The following TF variants were observed in gnomAD, a reference collection of about 807,000 sequenced individuals.
The protein encoded by TF is transferrin, also known as serotransferrin.
A neutral mutation model predicts 82.4 loss-of-function variants in TF; 55 were observed. The ratio of observed to expected loss-of-function variants is 0.67; its 90% CI spans 0.54 to 0.84. The LOEUF is 0.84. TF is among the 40% of genes least tolerant of loss of function. TF has a pLI of 0.00. For missense variants in TF, 737 were observed against 868.4 expected, an observed-to-expected ratio of 0.85 and a Z score of 1.90; for synonymous variants, 332 against 332.6, an observed-to-expected ratio of 1.00 and a Z score of 0.02.
chr3:133,757,654 G>T, intron 7 of TF, 115 bp from the exon 8 acceptor site: 1 of 1,025,426 alleles, frequency 9.8e-7, no homozygotes, highest in Non-Finnish European at 1.5e-6. Flanking sequence ...CCTCTCTCCT[G>T]GCATCTTGAA....
Position 133,748,515 on chromosome 3 carries a change from T to G in TF, c.147T>G (p.Ile49Met). 6.2e-7 allele frequency: 1 copy of G among 1,614,092 alleles called. No individual in the cohort carries two copies. The highest frequency in any genetic ancestry group is 8.5e-7 in the Non-Finnish European group (1 of 1,180,020). The change falls in exon 2 of 17, where the codon ATT becomes ATG. Residue 49 changes from isoleucine to methionine, a missense_variant. Coordinates refer to ENST00000402696, the MANE Select transcript of TF (RefSeq NM_001063.4). ...TCCGCGACCATATGAAAAGCGTCAT[T>G]CCATCCGATGGTCCCAGTGTTGCTT... ...QSFRDHMKSV[I>M]PSDGPSVACV...
chr3:133,756,580 A>G (rs1279023830), intron 6 of TF, among the ~76,000 whole-genome samples: 1 of 152,092 alleles, frequency 6.6e-6, no homozygotes, highest in African/African-American at 2.4e-5. Flanking sequence ...TGCCATAACC[A>G]AAGACTGGGG....
chr3:133,752,011 A>G (rs976597897), intron 2 of TF, among the ~76,000 whole-genome samples: 3 of 152,150 alleles, frequency 2.0e-5, no homozygotes, highest in Non-Finnish European at 2.9e-5. Flanking sequence ...GTCTTACAAC[A>G]TATTTTATTT....
intron 4 of TF, among the ~76,000 whole-genome samples, chr3:133,755,162 A>G (rs1933789220): frequency 6.6e-6 from 1 of 152,238 alleles, no homozygotes; most frequent in African/African-American, 2.4e-5. Flanking sequence ...GTTTCCTCTG[A>G]TGGATGGTGG....
the TF span, among the ~76,000 whole-genome samples, chr3:133,702,506 T>C: frequency 3.3e-5 from 5 of 151,916 alleles, no homozygotes; most frequent in East Asian, 5.8e-4. Flanking sequence ...GGTCACACCA[T>C]TGCACTCTAG....
chr3:133,704,926 GT>G, the TF span, among the ~76,000 whole-genome samples: 1 of 152,218 alleles, frequency 6.6e-6, no homozygotes, highest in Non-Finnish European at 1.5e-5. Flanking sequence ...AAACGACTCT[GT>G]GAGGTAAATA....
At chr3:133,775,786 C>T (rs952179234) in intron 15 of TF, among the ~76,000 whole-genome samples, 169 bp downstream of exon 15, 1 of 152,208 alleles carries the variant, frequency 6.6e-6, no homozygotes, top group African/African-American at 2.4e-5. Flanking sequence ...TATCAGGGTT[C>T]AAATCACAGC....
At chr3:133,723,672 T>TATTATA in the TF span, among the ~76,000 whole-genome samples, 1 of 147,866 alleles carries the variant, frequency 6.8e-6, no homozygotes, top group Non-Finnish European at 1.5e-5. Context: ...TTATTATTAT[T>TATTATA]ATACTTTAAG....
the TF span, among the ~76,000 whole-genome samples, chr3:133,732,800 C>A: frequency 2.0e-5 from 3 of 148,924 alleles, no homozygotes; most frequent in African/African-American, 7.5e-5. Context: ...TCAGCGAGAC[C>A]AATGAACCCA....
At chr3:133,727,853 G>A in the TF span, among the ~76,000 whole-genome samples, 43,508 of 136,618 alleles carry the variant, frequency 0.32, 7,468 homozygotes, top group South Asian at 0.45. Context: ...CAGGCCTGTG[G>A]TGACAAAATC....
chr3:133,768,033 AT>A lies in TF; in HGVS notation c.1496del (p.Phe499SerfsTer24). 1 of 1,614,018 alleles carries A rather than the reference AT, an allele frequency of 6.2e-7. No homozygotes were observed. Among genetic ancestry groups the A allele is most frequent in the Non-Finnish European group, 8.5e-7 (1 of 1,179,962 alleles). ...TCCTCTTGTCCTTCTGCACAGATGA[AT>A]TTTTCAGTGAAGGTTGTGCCCCTGG... ...NKINHCRFDE[F>X]FSEGCAPGSK... On this transcript the variant is annotated frameshift_variant, in exon 13 of 17. Coordinates refer to ENST00000402696, the MANE Select transcript of TF (RefSeq NM_001063.4). LOFTEE classifies it high-confidence loss of function.
intron 15 of TF, 52 bp from the exon 16 acceptor site, chr3:133,776,997 C>A: frequency 6.5e-7 from 1 of 1,534,570 alleles, no homozygotes; most frequent in Non-Finnish European, 9.0e-7. Context: ...TCCATGTGTT[C>A]CCAGCTGCTA....
the TF span, among the ~76,000 whole-genome samples, chr3:133,729,440 G>A: frequency 2.6e-5 from 4 of 152,034 alleles, no homozygotes; most frequent in Admixed American, 6.5e-5. Context: ...GTGAGACTCC[G>A]TGGGCGTAGG....
At chr3:133,681,197 G>T in the TF span, among the ~76,000 whole-genome samples, 4 of 152,210 alleles carry the variant, frequency 2.6e-5, no homozygotes, top group Non-Finnish European at 4.4e-5. Flanking sequence ...AGTCACCGAA[G>T]TTAAGATACT....
Position 133,766,310 on chromosome 3 carries a change from G to C in TF, c.1363G>C (p.Ala455Pro), listed in dbSNP as rs752357330. ...YFAIAVVKKS[A>P]SDLTWDNLKG... ...TGCTATAGCAGTGGTGAAGAAATCA[G>C]CTTCTGACCTCACCTGGGACAATCT... The change falls in exon 12 of 17, where the codon GCT becomes CCT. Residue 455 changes from alanine to proline, a missense_variant. Ala to Pro is a conservative substitution (Grantham distance 27, BLOSUM62 -1). Coordinates refer to ENST00000402696, the MANE Select transcript of TF (RefSeq NM_001063.4). The C allele has an allele frequency of 6.2e-7, 1 of 1,614,176 alleles. No individual in the cohort carries two copies. The highest frequency in any genetic ancestry group is 1.7e-5 in the Admixed American group (1 of 60,020).
At chr3:133,754,750 C>A in intron 4 of TF, 79 bp downstream of exon 4, 2 of 1,477,116 alleles carry the variant, frequency 1.4e-6, no homozygotes, top group Middle Eastern at 2.1e-4. Flanking sequence ...TAGACAGTCA[C>A]CATCAGCAGA....
the TF span, among the ~76,000 whole-genome samples, chr3:133,711,501 T>G: frequency 6.6e-6 from 1 of 152,182 alleles, no homozygotes. Context: ...TGGAGGATCC[T>G]ACAGTCCATC....
the TF span, among the ~76,000 whole-genome samples, chr3:133,718,628 C>G: frequency 6.6e-6 from 1 of 152,254 alleles, no homozygotes; most frequent in South Asian, 2.1e-4. Flanking sequence ...ATCAGAATCT[C>G]CTGGAGGTCT....
At chr3:133,711,602 T>A in the TF span, among the ~76,000 whole-genome samples, 1 of 152,054 alleles carries the variant, frequency 6.6e-6, no homozygotes, top group East Asian at 1.9e-4. Flanking sequence ...TCCCTCCCCT[T>A]TGTGCTCCTC....
Sources: allele counts gnomAD v4.1 joint callset (sites outside exome capture counted in the v4.1 genomes callset), GRCh38; gene constraint gnomAD v4.1.1; transcripts MANE v1.5; gene names NCBI Gene and HGNC (gene_info 2026-07-23, HGNC 2026-07-21).